COL4A4: variants seen among roughly 807,000 people sequenced by gnomAD.
The protein encoded by COL4A4 is collagen alpha-4(IV) chain.
In COL4A4, 105 loss-of-function variants were observed where a neutral mutation model predicts 192.9. The ratio of observed to expected loss-of-function variants is 0.54; its 90% CI spans 0.46 to 0.64. The LOEUF (loss-of-function observed/expected upper bound fraction) is 0.64, where lower values mean the gene tolerates loss of function less well. Ranked by LOEUF, COL4A4 falls within the 30% of genes least tolerant of loss-of-function variation. The pLI, the probability that COL4A4 is intolerant of heterozygous loss-of-function variation, is 0.00. For missense variants in COL4A4, 1,967 were observed against 2,169.3 expected, an observed-to-expected ratio of 0.91 and a Z score of 1.85; for synonymous variants, 762 against 769.9, an observed-to-expected ratio of 0.99 and a Z score of 0.17.
intron 1 of COL4A4, among the ~76,000 whole-genome samples, chr2:227,157,571 C>A (rs1360106783): frequency 2.0e-5 from 3 of 151,776 alleles, no homozygotes; most frequent in African/African-American, 7.2e-5. Flanking sequence ...GACAATATGA[C>A]AGTATTAAAT....
chr2:227,068,968 C>T (rs1012591716), intron 25 of COL4A4, among the ~76,000 whole-genome samples: 2 of 149,764 alleles, frequency 1.3e-5, no homozygotes, highest in South Asian at 2.1e-4. Context: ...CTAGAAAACC[C>T]CATTGTCTCA....
At chr2:227,111,479 A>G (rs1160650337) in intron 9 of COL4A4, among the ~76,000 whole-genome samples, 199 bp downstream of exon 9, 2 of 152,186 alleles carry the variant, frequency 1.3e-5, no homozygotes, top group Admixed American at 1.3e-4. Flanking sequence ...AGACTGGTGC[A>G]GTTACACAGG....
the COL4A4 span, among the ~76,000 whole-genome samples, chr2:226,976,619 G>C: frequency 6.6e-6 from 1 of 152,096 alleles, no homozygotes; most frequent in Non-Finnish European, 1.5e-5. Context: ...AACACTTAGA[G>C]GAAGAGAAGA....
chr2:227,009,009 G>A (rs1962861363), intron 46 of COL4A4, among the ~76,000 whole-genome samples: 1 of 152,188 alleles, frequency 6.6e-6, no homozygotes, highest in Non-Finnish European at 1.5e-5. Context: ...ACGGATGATG[G>A]TACAAAGACC....
intron 20 of COL4A4, among the ~76,000 whole-genome samples, chr2:227,091,486 A>G (rs1485415680): frequency 6.6e-6 from 1 of 151,926 alleles, no homozygotes; most frequent in East Asian, 1.9e-4. Flanking sequence ...ACAGAAAGAG[A>G]AAAAAGAGGG....
chr2:227,038,880 T>C (rs2150044073), intron 37 of COL4A4, among the ~76,000 whole-genome samples: 1 of 152,374 alleles, frequency 6.6e-6, no homozygotes, highest in East Asian at 1.9e-4. Context: ...GAATTTATAC[T>C]GCAGATGTTT....
At position 227,103,953 on chromosome 2, in the gene COL4A4, A is replaced by G. The variant is rs757947811; in HGVS notation, c.816+19T>C. 1.3e-6 allele frequency: 2 copies of G among 1,589,870 alleles called. No homozygotes were observed. Among genetic ancestry groups the G allele is most frequent in the Admixed American group, 1.7e-5 (1 of 59,982 alleles). On this transcript the variant is annotated intron_variant, in intron 13 of 47. Transcript: ENST00000396625. Reference sequence around the variant, plus strand: ...TTCTACTGCTACTTTCCAAGGTGACATATGGATTTGGGAATTACCTTTTCT... The same window carrying G: ...TTCTACTGCTACTTTCCAAGGTGACGTATGGATTTGGGAATTACCTTTTCT...
rs754189803 is a variant in COL4A4, at chr2:227,077,878, A to AT, written c.1987+15dup. 213 of 1,606,880 alleles carry AT rather than the reference A, an allele frequency of 1.3e-4. No individual in the cohort carries two copies. The highest frequency in any genetic ancestry group is 1.6e-4 in the Non-Finnish European group (194 of 1,177,034). On this transcript the variant is annotated intron_variant, in intron 25 of 47. Coordinates refer to ENST00000396625, the MANE Select transcript of COL4A4 (RefSeq NM_000092.5). Reference sequence around the variant, plus strand: ...CCCCAAAGCTATTGAAATAAATAAAATTTTTTTAAAATTACCTTTCTGACC... The same window carrying AT: ...CCCCAAAGCTATTGAAATAAATAAAATTTTTTTTAAAATTACCTTTCTGACC...
intron 19 of COL4A4, among the ~76,000 whole-genome samples, 165 bp from the exon 20 acceptor site, chr2:227,094,454 G>T (rs187019338): frequency 1.3e-5 from 2 of 152,280 alleles, no homozygotes; most frequent in African/African-American, 4.8e-5. Context: ...GACACAGAAA[G>T]AAATACTGCA....
chr2:227,109,458 C>T (rs1030337328), intron 9 of COL4A4, 172 bp from the exon 10 acceptor site: 3 of 718,156 alleles, frequency 4.2e-6, no homozygotes, highest in Admixed American at 4.0e-5. Flanking sequence ...CCTAAAAGGG[C>T]ACCAAGCAGT....
In COL4A4 at chr2:227,015,796, A is replaced by G. The variant is rs1329118350; in HGVS notation, c.4217-3499T>C. ...CAGATAATATTGTAGGAAAATACGC[A>G]ATGACATAGAAGTAAGGTTATGTTA... On this transcript the variant is annotated intron_variant, in intron 44 of 47. Coordinates refer to ENST00000396625, the MANE Select transcript of COL4A4 (RefSeq NM_000092.5). Among the ~76,000 whole-genome samples, 4 of 152,226 alleles carry G rather than the reference A, an allele frequency of 2.6e-5. No individual in the cohort carries two copies. In the East Asian group the frequency reaches 7.7e-4, roughly 29 times the overall value.
intron 3 of COL4A4, among the ~76,000 whole-genome samples, chr2:227,142,387 T>A (rs968663847): frequency 2.6e-5 from 4 of 152,188 alleles, no homozygotes; most frequent in African/African-American, 9.7e-5. Context: ...ATGTTACTCT[T>A]CTTCAAAGAG....
chr2:227,031,917 G>T (rs1187905647), intron 40 of COL4A4, 28 bp downstream of exon 40: 2 of 1,493,364 alleles, frequency 1.3e-6, no homozygotes, highest in Non-Finnish European at 1.9e-6. Flanking sequence ...AGGGAGCACT[G>T]CCATCCTTTG....
rs1046155681 is a variant in COL4A4 at position 227,121,032 on chromosome 2, T to C, written c.309A>G (p.Ala103=). The C allele has an allele frequency of 8.1e-6, 13 of 1,614,148 alleles. No individual in the cohort carries two copies. The highest frequency in any genetic ancestry group is 1.1e-5 in the Non-Finnish European group (13 of 1,180,012). ...GGCTTACCTTATCTCCTTTGTCCCC[T>C]GCTGCTCCAGGAGGGCCGCGGTCCC... ...MRGDRGPPGA[A]GDKGDKGPTG... Residue 103 remains alanine (A), a synonymous_variant, in exon 5 of 48, where the codon GCA becomes GCG. Coordinates refer to ENST00000396625, the MANE Select transcript of COL4A4 (RefSeq NM_000092.5).
the COL4A4 span, among the ~76,000 whole-genome samples, chr2:226,979,729 A>G: frequency 8.5e-5 from 13 of 152,304 alleles, no homozygotes; most frequent in African/African-American, 3.1e-4. Flanking sequence ...CAGTCGCCTG[A>G]CTTGAATGTC....
chr2:227,021,215 T>G (rs1051878609), intron 44 of COL4A4, among the ~76,000 whole-genome samples: 7 of 152,120 alleles, frequency 4.6e-5, no homozygotes, highest in Non-Finnish European at 8.8e-5. Context: ...ATGGTTTCGC[T>G]TAAATACTTG....
At chr2:227,041,848 G>GAAAGAGAGAGAGAGAGAGAGAGAGAGAA (rs1243663359) in intron 37 of COL4A4, among the ~76,000 whole-genome samples, 7 of 38,732 alleles carry the variant, frequency 1.8e-4, no homozygotes, top group Non-Finnish European at 2.8e-4. Flanking sequence ...AAGAAAGAAA[G>GAAAGAGAGAGAGAGAGAGAGAGAGAGAA]AGAAAGAAAG....
the COL4A4 span, chr2:226,995,375 A>G: frequency 6.5e-6 from 7 of 1,076,246 alleles, no homozygotes; most frequent in Non-Finnish European, 1.0e-5. Flanking sequence ...ATCCTAGGGT[A>G]CACATGCCTT....
chr2:226,968,623 A>AC, the COL4A4 span, among the ~76,000 whole-genome samples: 2 of 152,224 alleles, frequency 1.3e-5, no homozygotes, highest in Non-Finnish European at 1.5e-5. Flanking sequence ...AAAAAAGAGC[A>AC]TCGCACTTGG....
Sources: gnomAD v4.1 joint callset for allele counts (sites outside exome capture counted in the v4.1 genomes callset) on GRCh38, gnomAD v4.1.1 for gene constraint, MANE v1.5 for transcripts, NCBI Gene and HGNC (gene_info 2026-07-23, HGNC 2026-07-21) for gene names.